The following SEZ6L variants were observed in gnomAD, a reference collection of about 807,000 sequenced individuals.
SEZ6L encodes seizure 6-like protein.
SEZ6L carries 37 observed loss-of-function variants against 106.2 expected under a neutral mutation model. The ratio of observed to expected loss-of-function variants is 0.35; its 90% CI spans 0.27 to 0.46. The LOEUF (loss-of-function observed/expected upper bound fraction) is 0.46, where lower values mean the gene tolerates loss of function less well. Among genes scored for constraint, SEZ6L ranks in the 20% least tolerant of loss-of-function variants. SEZ6L has a pLI of 1.00. For missense variants in SEZ6L, 1,172 were observed against 1,332.8 expected (o/e 0.88, Z 1.88); for synonymous variants, 541 against 570.4 (o/e 0.95, Z 0.73).
chr22:26,337,666 G>A (rs1484611091), intron 9 of SEZ6L, among the ~76,000 whole-genome samples: 1 of 152,162 alleles, frequency 6.6e-6, no homozygotes, highest in Non-Finnish European at 1.5e-5. Context: ...AATACAGCAG[G>A]GGTTTAGGGG....
At chr22:26,179,876 C>T (rs1176546465) in intron 1 of SEZ6L, among the ~76,000 whole-genome samples, 1 of 152,142 alleles carries the variant, frequency 6.6e-6, no homozygotes, top group African/African-American at 2.4e-5. Context: ...CACATGTGCA[C>T]TCTCTAATAT....
chr22:26,208,690 A>AC (rs1488033120), intron 1 of SEZ6L, among the ~76,000 whole-genome samples: 1 of 152,142 alleles, frequency 6.6e-6, no homozygotes, highest in Non-Finnish European at 1.5e-5. Context: ...ACTATGACAT[A>AC]CATAGTCATA....
intron 9 of SEZ6L, among the ~76,000 whole-genome samples, chr22:26,334,809 G>A (rs1392264179): frequency 6.6e-6 from 1 of 152,154 alleles, no homozygotes; most frequent in African/African-American, 2.4e-5. Context: ...GCCAGAGTGG[G>A]CAGGGTCTGG....
intron 11 of SEZ6L, among the ~76,000 whole-genome samples, chr22:26,348,733 GGAAGGGAA>G (rs1279255937): frequency 4.2e-5 from 1 of 23,746 alleles, no homozygotes; most frequent in African/African-American, 1.4e-4. Context: ...GGGAAGGGAG[GGAAGGGAA>G]GAAGGGAGGA....
intron 1 of SEZ6L, among the ~76,000 whole-genome samples, chr22:26,190,040 T>C (rs544411424): frequency 1.3e-5 from 2 of 149,486 alleles, no homozygotes; most frequent in Admixed American, 1.3e-4. Context: ...GAGCTTGCAG[T>C]GAGCCAAGAT....
intron 1 of SEZ6L, among the ~76,000 whole-genome samples, chr22:26,231,226 A>T (rs2078788390): frequency 6.6e-6 from 1 of 152,210 alleles, no homozygotes; most frequent in African/African-American, 2.4e-5. Flanking sequence ...GGGGTGGTTT[A>T]TGCAGAAATT....
intron 1 of SEZ6L, among the ~76,000 whole-genome samples, chr22:26,271,506 G>T (rs1240430093): frequency 6.6e-6 from 1 of 152,206 alleles, no homozygotes; most frequent in African/African-American, 2.4e-5. Flanking sequence ...GCAGGTGTTG[G>T]ATCATGGGAG....
intron 13 of SEZ6L, among the ~76,000 whole-genome samples, chr22:26,369,000 G>C (rs149094664): frequency 2.0e-4 from 31 of 152,236 alleles, no homozygotes; most frequent in African/African-American, 7.2e-4. Context: ...GGAAACCTAG[G>C]TGTGTTCACA....
intron 1 of SEZ6L, among the ~76,000 whole-genome samples, chr22:26,240,650 C>G (rs986830673): frequency 6.6e-6 from 1 of 152,142 alleles, no homozygotes; most frequent in African/African-American, 2.4e-5. Context: ...CCACATGCAT[C>G]ATTCATTCAG....
chr22:26,370,105 C>T (rs1023973240), intron 13 of SEZ6L, among the ~76,000 whole-genome samples: 2 of 151,698 alleles, frequency 1.3e-5, no homozygotes, highest in Non-Finnish European at 2.9e-5. Flanking sequence ...AAACCTTGGC[C>T]GGCGCGGTGG....
At chr22:26,215,527 TC>T (rs2078275816) in intron 1 of SEZ6L, among the ~76,000 whole-genome samples, 1 of 151,624 alleles carries the variant, frequency 6.6e-6, no homozygotes. Flanking sequence ...AGAAAACAGA[TC>T]CCTAATGGAG....
intron 1 of SEZ6L, among the ~76,000 whole-genome samples, chr22:26,234,323 G>C (rs2078891247): frequency 6.6e-6 from 1 of 152,184 alleles, no homozygotes; most frequent in Admixed American, 6.5e-5. Context: ...GCTGGACCTT[G>C]GGGGAAGGAA....
At position 26,363,130 on chromosome 22, in the gene SEZ6L, C is replaced by G. The variant is rs955106953; in HGVS notation, c.2600-2242C>G. ...ACTCCAGCCAGTCATTGCCATGTAA[C>G]AATGTGAACCCAGTATTGCCCAATC... On this transcript the variant is annotated intron_variant, in intron 12 of 16. Coordinates refer to ENST00000248933, the MANE Select transcript of SEZ6L (RefSeq NM_021115.5). Among the ~76,000 whole-genome samples the G allele has an allele frequency of 2.0e-5, 3 of 152,318 alleles. No individual in the cohort carries two copies. In the South Asian group the frequency reaches 6.2e-4, roughly 32 times the overall value.
At chr22:26,244,807 T>C (rs1335202579) in intron 1 of SEZ6L, 1 of 152,094 alleles carries the variant, frequency 6.6e-6, no homozygotes, top group Non-Finnish European at 1.5e-5. Context: ...GAAGCAACAA[T>C]GAACAAGGCT....
At chr22:26,288,378 C>A (rs1173767148) in intron 1 of SEZ6L, among the ~76,000 whole-genome samples, 1 of 152,074 alleles carries the variant, frequency 6.6e-6, no homozygotes, top group African/African-American at 2.4e-5. Flanking sequence ...TGTGATGGGT[C>A]TGAATTCTGT....
intron 10 of SEZ6L, among the ~76,000 whole-genome samples, chr22:26,345,815 G>A (rs1387480887): frequency 6.6e-6 from 1 of 152,160 alleles, no homozygotes; most frequent in East Asian, 1.9e-4. Context: ...TGTGCAGTGG[G>A]CACTTTGAAG....
chr22:26,327,914 G>A (rs1404509822), intron 9 of SEZ6L, among the ~76,000 whole-genome samples: 7 of 152,210 alleles, frequency 4.6e-5, no homozygotes, highest in Non-Finnish European at 1.0e-4. Flanking sequence ...GTGCCACAGA[G>A]GAAATTCATG....
At chr22:26,190,984 C>T (rs988972831) in intron 1 of SEZ6L, among the ~76,000 whole-genome samples, 1 of 152,180 alleles carries the variant, frequency 6.6e-6, no homozygotes, top group Admixed American at 6.5e-5. Flanking sequence ...TACTACCTTA[C>T]CTTCTGCAGG....
intron 1 of SEZ6L, among the ~76,000 whole-genome samples, chr22:26,217,141 C>T (rs73417551): frequency 0.034 from 5,236 of 152,222 alleles, 311 homozygotes; most frequent in African/African-American, 0.12. Flanking sequence ...TAAGTACCTG[C>T]GTGGCAACTT....
Sources: allele counts gnomAD v4.1 joint callset (sites outside exome capture counted in the v4.1 genomes callset), GRCh38; gene constraint gnomAD v4.1.1; transcripts MANE v1.5; gene names NCBI Gene and HGNC (gene_info 2026-07-23, HGNC 2026-07-21).